ZFHX3: variants seen among roughly 807,000 people sequenced by gnomAD.
ZFHX3 encodes the protein zinc finger homeobox 3.
A neutral mutation model predicts 279.1 loss-of-function variants in ZFHX3; 42 were observed. The observed-to-expected ratio is 0.15, with a 90% confidence interval of 0.12 to 0.19. The LOEUF (loss-of-function observed/expected upper bound fraction) is 0.19. ZFHX3 is among the 10% of genes least tolerant of loss of function. The pLI is 1.00. For missense variants in ZFHX3, 4,981 were observed against 4,754.0 expected, an observed-to-expected ratio of 1.05 and a Z score of -1.40; for synonymous variants, 2,293 against 1,957.8, an observed-to-expected ratio of 1.17 and a Z score of -4.52.
At chr16:73,060,223 CA>C (rs11311633), upstream of ZFHX3, 55,743 of 98,518 alleles carry the variant, frequency 0.57, 13,319 homozygotes, top group East Asian at 0.75. Context: ...TCCCTAATGC[CA>C]AAAAAAAAAA....
At chr16:73,391,301 A>G (rs748153349) in intron 3 of ZFHX3, among the ~76,000 whole-genome samples, 11 of 152,026 alleles carry the variant, frequency 7.2e-5, no homozygotes, top group Non-Finnish European at 1.6e-4. Context: ...CGTGTCTACT[A>G]AAAATTAGCC....
chr16:73,856,526 G>T (rs866444914), intron 1 of ZFHX3, among the ~76,000 whole-genome samples: 1 of 152,108 alleles, frequency 6.6e-6, no homozygotes. Flanking sequence ...ATACATATTT[G>T]CTTGTATTTC....
intron 3 of ZFHX3, among the ~76,000 whole-genome samples, chr16:73,409,770 T>C (rs1296549350): frequency 6.6e-6 from 1 of 152,222 alleles, no homozygotes; most frequent in Non-Finnish European, 1.5e-5. Flanking sequence ...AATGGAGTAC[T>C]ATTCAACCAT....
intron 2 of ZFHX3, among the ~76,000 whole-genome samples, chr16:73,568,577 C>T (rs1218103881): frequency 2.6e-5 from 4 of 152,118 alleles, no homozygotes; most frequent in Admixed American, 6.5e-5. Flanking sequence ...TTTCGACGTC[C>T]TCTCTTCCTC....
intron 1 of ZFHX3, among the ~76,000 whole-genome samples, chr16:73,715,850 G>A (rs544554426): frequency 6.6e-6 from 1 of 152,108 alleles, no homozygotes; most frequent in South Asian, 2.1e-4. Flanking sequence ...GGGATTACAG[G>A]CATGAGCCAC....
intron 3 of ZFHX3, among the ~76,000 whole-genome samples, chr16:73,349,645 C>T (rs1279986085): frequency 3.1e-4 from 10 of 31,794 alleles, no homozygotes; most frequent in African/African-American, 7.2e-4. Flanking sequence ...TCCCTCCCTC[C>T]CTCTCTCCCT....
chr16:73,129,670 G>T (rs760840812), intron 7 of ZFHX3, among the ~76,000 whole-genome samples: 1 of 151,524 alleles, frequency 6.6e-6, no homozygotes, highest in Non-Finnish European at 1.5e-5. Flanking sequence ...GTGTGCCCAC[G>T]CCTGTGTGCA....
At chr16:72,908,090 C>T (rs941652025) in intron 3 of ZFHX3, among the ~76,000 whole-genome samples, 2 of 152,176 alleles carry the variant, frequency 1.3e-5, no homozygotes, top group South Asian at 2.1e-4. Flanking sequence ...GCTCTCAGCA[C>T]GGCTATGGGC....
At chr16:73,137,879 T>C (rs905447589) in intron 6 of ZFHX3, among the ~76,000 whole-genome samples, 1 of 152,162 alleles carries the variant, frequency 6.6e-6, no homozygotes, top group Non-Finnish European at 1.5e-5. Context: ...TTTTTTTGTA[T>C]TTGCTAGATT....
intron 1 of ZFHX3, among the ~76,000 whole-genome samples, chr16:73,728,499 T>C (rs1210109687): frequency 6.6e-6 from 1 of 152,234 alleles, no homozygotes; most frequent in Non-Finnish European, 1.5e-5. Context: ...TGCTGTTTGC[T>C]GTTCTAGGGC....
chr16:72,901,739 A>G (rs946205691), intron 3 of ZFHX3, among the ~76,000 whole-genome samples: 1 of 152,234 alleles, frequency 6.6e-6, no homozygotes. Context: ...GAGGAAGGAC[A>G]GAAGAGTCTG....
In ZFHX3 at chr16:73,353,126, T is replaced by G. The variant is rs76027796; in HGVS notation, c.-1290-34790A>C. ...TGAGAGAAATTGATCATCTAAGTTC[T>G]CAAGAAACACTGTGCATTCATGATT... On this transcript the variant is annotated intron_variant, in intron 3 of 17. Transcript: ENST00000641206. Among the ~76,000 whole-genome samples the G allele has an allele frequency of 7.2e-5, 11 of 152,292 alleles. No homozygotes were observed. The East Asian group carries it at 2.1e-3, about 29-fold the overall frequency.
chr16:73,449,781 T>C (rs537455823), intron 3 of ZFHX3, among the ~76,000 whole-genome samples: 4 of 152,288 alleles, frequency 2.6e-5, no homozygotes, highest in South Asian at 4.1e-4. Context: ...TCAGTCAATA[T>C]TGTCTAATAC....
Position 72,787,461 on chromosome 16 carries a change from G to A in ZFHX3, c.10815C>T (p.Pro3605=), listed in dbSNP as rs756770731. 2 of 1,606,580 alleles carry A rather than the reference G, an allele frequency of 1.2e-6. No individual in the cohort carries two copies. The highest frequency in any genetic ancestry group is 1.7e-6 in the Non-Finnish European group (2 of 1,175,290). Reference sequence around the variant, plus strand: ...TGGAGGCGTGGGGGGAAGCGGAGGAGGGGGCGGCGGCCGACGGGGGAGGGG... The same window carrying A: ...TGGAGGCGTGGGGGGAAGCGGAGGAAGGGGCGGCGGCCGACGGGGGAGGGG... ...DSPPPPSAAA[P]SSASPHASRK... Residue 3605 remains proline (P), a synonymous_variant, in exon 10 of 10, where the codon CCC becomes CCT. Coordinates refer to ENST00000268489, the MANE Select transcript of ZFHX3 (RefSeq NM_006885.4).
At chr16:73,089,540 C>T (rs947594723) in intron 8 of ZFHX3, among the ~76,000 whole-genome samples, 1 of 152,214 alleles carries the variant, frequency 6.6e-6, no homozygotes, top group African/African-American at 2.4e-5. Flanking sequence ...ATGCAAGCAA[C>T]ATCAGGGATG....
chr16:73,449,481 G>C (rs1597339815), intron 3 of ZFHX3, among the ~76,000 whole-genome samples: 1 of 151,890 alleles, frequency 6.6e-6, no homozygotes, highest in Non-Finnish European at 1.5e-5. Context: ...GGGCAACATA[G>C]CAAGACCCCA....
chr16:72,997,261 T>C (rs570847094), intron 1 of ZFHX3, among the ~76,000 whole-genome samples: 10 of 152,300 alleles, frequency 6.6e-5, no homozygotes, highest in Admixed American at 6.5e-4. Context: ...GAGAATTCAA[T>C]GGTGCTGTCT....
At chr16:72,995,578 TA>T (rs1390202208) in intron 1 of ZFHX3, among the ~76,000 whole-genome samples, 1 of 152,122 alleles carries the variant, frequency 6.6e-6, no homozygotes, top group East Asian at 1.9e-4. Flanking sequence ...CAAATTCCCC[TA>T]ATATGAAACA....
intron 5 of ZFHX3, among the ~76,000 whole-genome samples, chr16:73,243,531 C>G (rs1475388263): frequency 6.6e-6 from 1 of 152,212 alleles, no homozygotes; most frequent in Non-Finnish European, 1.5e-5. Context: ...AAGTGAAACA[C>G]AGCTGACATA....
Sources: gnomAD v4.1 joint callset for allele counts (sites outside exome capture counted in the v4.1 genomes callset) on GRCh38, gnomAD v4.1.1 for gene constraint, MANE v1.5 for transcripts, NCBI Gene and HGNC (gene_info 2026-07-23, HGNC 2026-07-21) for gene names.